DAB1: variants seen among roughly 807,000 people sequenced by gnomAD.
The protein encoded by DAB1 is disabled homolog 1.
Under a neutral mutation model 64.6 loss-of-function variants are expected in DAB1, and 15 were observed. The ratio of observed to expected loss-of-function variants is 0.23; its 90% CI spans 0.16 to 0.36. The LOEUF (loss-of-function observed/expected upper bound fraction) is 0.36. DAB1 is among the 10% of genes least tolerant of loss of function. The pLI is 1.00. For missense variants in DAB1, 596 were observed against 706.7 expected (o/e 0.84, Z 1.78); for synonymous variants, 235 against 251.9 (o/e 0.93, Z 0.64).
chr1:57,928,166 C>T (rs1416585456), intron 5 of DAB1, among the ~76,000 whole-genome samples: 3 of 152,100 alleles, frequency 2.0e-5, no homozygotes, highest in Admixed American at 6.5e-5. Flanking sequence ...AGCACTTGCA[C>T]GATCAAAGTC....
intron 4 of DAB1, among the ~76,000 whole-genome samples, chr1:57,090,661 A>C (rs1653569240): frequency 6.6e-6 from 1 of 152,192 alleles, no homozygotes; most frequent in Admixed American, 6.5e-5. Flanking sequence ...GCTAGATCCG[A>C]ATTCCTATCT....
At chr1:57,843,401 T>G (rs1438391889) in intron 1 of DAB1, among the ~76,000 whole-genome samples, 2 of 152,192 alleles carry the variant, frequency 1.3e-5, no homozygotes, top group Non-Finnish European at 1.5e-5. Flanking sequence ...GACAAGTCAC[T>G]TCTCTGAGCT....
intron 5 of DAB1, among the ~76,000 whole-genome samples, chr1:57,965,250 G>A (rs1016216517): frequency 2.6e-5 from 4 of 152,126 alleles, no homozygotes. Context: ...TTATCTCATA[G>A]TTGTTTCTCT....
At chr1:58,118,503 T>TATACACACACACACACAC (rs1341446315) in intron 5 of DAB1, among the ~76,000 whole-genome samples, 1 of 53,110 alleles carries the variant, frequency 1.9e-5, no homozygotes, top group East Asian at 1.3e-3. Flanking sequence ...TATATATATA[T>TATACACACACACACACAC]ACACACACAC....
chr1:58,089,550 C>A (rs1010102622), intron 5 of DAB1, among the ~76,000 whole-genome samples: 16 of 152,134 alleles, frequency 1.1e-4, no homozygotes, highest in Admixed American at 2.0e-4. Flanking sequence ...AGCAATCTGA[C>A]CTTGTAAAAA....
At chr1:58,364,168 A>G (rs1557740313) in intron 3 of DAB1, among the ~76,000 whole-genome samples, 2 of 152,202 alleles carry the variant, frequency 1.3e-5, no homozygotes, top group African/African-American at 4.8e-5. Flanking sequence ...GTCATGCTGG[A>G]ACTGGGATGT....
rs564052764 is a variant in DAB1 at position 57,988,435 on chromosome 1, G to T, written n.388-104273C>A. Among the ~76,000 whole-genome samples, 3 of 152,286 alleles carry T rather than the reference G, an allele frequency of 2.0e-5. No individual in the cohort carries two copies. The South Asian group carries it at 6.2e-4, about 32-fold the overall frequency. On this transcript the variant is annotated intron_variant and non_coding_transcript_variant, in intron 5 of 20. Transcript: ENST00000485760. ...TGTATCTCAGATTGGGGATTCGAAG[G>T]TTTCAAATGACCATTTAGGTAAACT...
At chr1:57,768,263 G>T (rs980402175) in intron 6 of DAB1, among the ~76,000 whole-genome samples, 3 of 149,240 alleles carry the variant, frequency 2.0e-5, no homozygotes, top group African/African-American at 4.9e-5. Flanking sequence ...GTGTGTGTTT[G>T]GCAAGTAATC....
intron 4 of DAB1, among the ~76,000 whole-genome samples, chr1:57,079,257 C>T (rs1211547717): frequency 6.6e-6 from 1 of 152,030 alleles, no homozygotes; most frequent in Non-Finnish European, 1.5e-5. Context: ...CTTTCATATT[C>T]GAATTTAATG....
intron 4 of DAB1, among the ~76,000 whole-genome samples, chr1:58,251,513 A>G (rs1660796233): frequency 6.6e-6 from 1 of 152,184 alleles, no homozygotes; most frequent in Admixed American, 6.5e-5. Context: ...CATGACCACT[A>G]ATCTGAGATC....
At chr1:58,415,692 T>A (rs1044087230) in intron 3 of DAB1, among the ~76,000 whole-genome samples, 1 of 152,244 alleles carries the variant, frequency 6.6e-6, no homozygotes, top group African/African-American at 2.4e-5. Context: ...TCAACTATTA[T>A]AGAGTGTCAA....
chr1:58,050,616 A>G (rs1357589663), intron 5 of DAB1, among the ~76,000 whole-genome samples: 6 of 151,802 alleles, frequency 4.0e-5, no homozygotes, highest in Admixed American at 3.9e-4. Context: ...TGCAAGCTCC[A>G]CCTCCTGGGT....
chr1:57,888,430 G>A (rs1454804067), upstream of DAB1, among the ~76,000 whole-genome samples: 1 of 152,048 alleles, frequency 6.6e-6, no homozygotes, highest in Non-Finnish European at 1.5e-5. Context: ...ACCTTCCATT[G>A]TGGAAGTCAT....
At chr1:57,541,698 G>C (rs1450935001) in intron 7 of DAB1, among the ~76,000 whole-genome samples, 1 of 152,110 alleles carries the variant, frequency 6.6e-6, no homozygotes, top group Admixed American at 6.5e-5. Flanking sequence ...TTGGGTCTAT[G>C]TTTGCTTTGG....
At chr1:58,180,839 G>T (rs1387729989) in intron 4 of DAB1, among the ~76,000 whole-genome samples, 1 of 152,064 alleles carries the variant, frequency 6.6e-6, no homozygotes, top group Non-Finnish European at 1.5e-5. Flanking sequence ...CAACATACTT[G>T]TCATAACTTC....
At chr1:57,871,580 C>T in intron 1 of DAB1, among the ~76,000 whole-genome samples, 1 of 152,134 alleles carries the variant, frequency 6.6e-6, no homozygotes, top group Non-Finnish European at 1.5e-5. Context: ...CATGGCAAAG[C>T]TGGGATCCTA....
At chr1:57,383,326 C>G (rs1396276475) in intron 1 of DAB1, among the ~76,000 whole-genome samples, 1 of 152,190 alleles carries the variant, frequency 6.6e-6, no homozygotes, top group East Asian at 1.9e-4. Flanking sequence ...GTCTGTCCCT[C>G]TGATTCTCAG....
intron 2 of DAB1, among the ~76,000 whole-genome samples, chr1:57,285,842 C>T (rs369389553): frequency 9.3e-4 from 141 of 152,290 alleles, no homozygotes; most frequent in African/African-American, 3.2e-3. Flanking sequence ...TCATGGGACA[C>T]GTTCCTCTAC....
intron 7 of DAB1, among the ~76,000 whole-genome samples, chr1:57,578,949 T>G (rs1182252739): frequency 6.6e-6 from 1 of 152,236 alleles, no homozygotes; most frequent in Non-Finnish European, 1.5e-5. Context: ...TAATTTGCTA[T>G]GAAAGGAGTT....
Sources: allele counts gnomAD v4.1 joint callset (sites outside exome capture counted in the v4.1 genomes callset), GRCh38; gene constraint gnomAD v4.1.1; transcripts MANE v1.5; gene names NCBI Gene and HGNC (gene_info 2026-07-23, HGNC 2026-07-21).